CLNK: variants seen among roughly 807,000 people sequenced by gnomAD.
CLNK encodes the protein cytokine-dependent hematopoietic cell linker.
A neutral mutation model predicts 68.6 loss-of-function variants in CLNK; 74 were observed. That is an observed-to-expected ratio of 1.08 (90% CI 0.89 to 1.31). CLNK has a LOEUF of 1.31. Ranked by LOEUF, CLNK falls within the 50% of genes most tolerant of loss-of-function variation. The probability of loss-of-function intolerance (pLI) is 0.00; values close to 1 mark genes in which losing one functional copy is unlikely to be tolerated. For missense variants in CLNK, 553 were observed against 515.3 expected (o/e 1.07, Z -0.71); for synonymous variants, 198 against 172.2 (o/e 1.15, Z -1.17).
intron 18 of CLNK, 50 bp downstream of exon 18, chr4:10,501,206 T>G: frequency 6.7e-7 from 1 of 1,501,870 alleles, no homozygotes; most frequent in Non-Finnish European, 8.8e-7. Context: ...AACTCTTCCT[T>G]TATTTGTTGC....
chr4:10,587,212 C>T (rs1311581897), intron 3 of CLNK, among the ~76,000 whole-genome samples: 2 of 152,126 alleles, frequency 1.3e-5, no homozygotes, highest in Admixed American at 6.5e-5. Flanking sequence ...GTGATCCACC[C>T]GCCTCAGCCT....
At chr4:10,604,011 C>T (rs1299674933) in intron 2 of CLNK, among the ~76,000 whole-genome samples, 3 of 152,126 alleles carry the variant, frequency 2.0e-5, no homozygotes, top group African/African-American at 7.2e-5. Flanking sequence ...ATCCTGAGGG[C>T]AGGTGTCCCC....
At position 10,588,282 on chromosome 4, in the gene CLNK, T is replaced by C. The variant is rs147714839; in HGVS notation, c.84-3327A>G. 3.3e-4 allele frequency among the ~76,000 whole-genome samples: 50 copies of C among 152,356 alleles called. No homozygotes were observed. The East Asian group carries it at 7.9e-3, about 24-fold the overall frequency. On this transcript the variant is annotated intron_variant, in intron 3 of 18. Transcript: ENST00000226951. ...AACTTTGACTTCTAAATTAGGGTTC[T>C]TGTTATCTTCTAACCCTGACCTTAT... is the stretch of plus-strand genomic sequence containing the variant.
the CLNK span, among the ~76,000 whole-genome samples, chr4:10,715,319 G>A: frequency 6.6e-6 from 1 of 152,142 alleles, no homozygotes; most frequent in Non-Finnish European, 1.5e-5. Flanking sequence ...TTGTCCGTGT[G>A]TTTAATTACA....
the CLNK span, among the ~76,000 whole-genome samples, chr4:10,700,113 G>T: frequency 2.3e-4 from 35 of 151,842 alleles, no homozygotes; most frequent in Non-Finnish European, 4.6e-4. Context: ...AATCAGAGAA[G>T]AAACAGGTTT....
At chr4:10,512,984 T>C (rs571546545) in intron 16 of CLNK, among the ~76,000 whole-genome samples, 2 of 152,286 alleles carry the variant, frequency 1.3e-5, no homozygotes, top group African/African-American at 4.8e-5. Flanking sequence ...CCCCACTCTT[T>C]ACATCTCCAT....
At chr4:10,682,657 C>T (rs1325143008) in intron 1 of CLNK, among the ~76,000 whole-genome samples, 1 of 152,218 alleles carries the variant, frequency 6.6e-6, no homozygotes, top group African/African-American at 2.4e-5. Flanking sequence ...AAGTCACACA[C>T]TAGATTCATG....
intron 8 of CLNK, among the ~76,000 whole-genome samples, chr4:10,543,523 G>A (rs953606010): frequency 1.3e-5 from 2 of 152,094 alleles, no homozygotes; most frequent in Admixed American, 6.5e-5. Flanking sequence ...TGGAAGTCCC[G>A]TGGTGCCTGG....
the CLNK span, among the ~76,000 whole-genome samples, chr4:10,713,314 C>T: frequency 3.3e-5 from 5 of 152,124 alleles, no homozygotes; most frequent in South Asian, 2.1e-4. Flanking sequence ...CCACACTCCA[C>T]GAATTACTCT....
chr4:10,564,096 G>C (rs915390424), intron 7 of CLNK, among the ~76,000 whole-genome samples: 13 of 147,576 alleles, frequency 8.8e-5, no homozygotes, highest in African/African-American at 3.0e-4. Flanking sequence ...GCATTTACTA[G>C]ATTTTTTCTT....
the CLNK span, among the ~76,000 whole-genome samples, chr4:10,705,966 T>C: frequency 5.3e-5 from 8 of 152,356 alleles, no homozygotes; most frequent in South Asian, 1.7e-3. Flanking sequence ...TGTGTGATCC[T>C]GGAAAGGCAT....
Position 10,571,740 on chromosome 4 carries a change from C to G in CLNK, c.150+1G>C, listed in dbSNP as rs757609019. ...ATAGATAAGGGAAGCAGCTGACTTA[C>G]CCAGTCTAGAAGAGGCTTGTTCATC... On this transcript the variant is annotated splice_donor_variant, in intron 5 of 18. Coordinates refer to ENST00000226951, the MANE Select transcript of CLNK (RefSeq NM_052964.4). LOFTEE classifies it high-confidence loss of function. 2.5e-6 allele frequency: 4 copies of G among 1,611,712 alleles called. No homozygotes were observed. In the Admixed American group the frequency reaches 5.0e-5, roughly 20 times the overall value.
rs916687404 is a variant in CLNK at position 10,582,092 on chromosome 4, G to A, written c.112+2835C>T. ...TTTTGAAGACAATGTTAATCCTTGA[G>A]TTTACCAATCTTGGGATGATCTGAA... On this transcript the variant is annotated intron_variant, in intron 4 of 18. Transcript: ENST00000226951. 2.0e-5 allele frequency among the ~76,000 whole-genome samples: 3 copies of A among 152,160 alleles called. No individual in the cohort carries two copies. The East Asian group carries it at 5.8e-4, about 29-fold the overall frequency.
chr4:10,699,268 C>CACATACACACCACGTATGTGTGTAT, the CLNK span, among the ~76,000 whole-genome samples: 5 of 32,410 alleles, frequency 1.5e-4, no homozygotes, highest in East Asian at 1.6e-3. Flanking sequence ...TGTGTATACA[C>CACATACACACCACGTATGTGTGTAT]ACACACACAC....
the CLNK span, among the ~76,000 whole-genome samples, chr4:10,719,903 AC>A: frequency 6.6e-6 from 1 of 152,190 alleles, no homozygotes; most frequent in Non-Finnish European, 1.5e-5. Context: ...TAACAAAGAT[AC>A]CAGAAAAATC....
At chr4:10,507,811 G>A (rs543126763) in intron 17 of CLNK, 148 bp downstream of exon 17, 71 of 635,014 alleles carry the variant, frequency 1.1e-4, no homozygotes, top group Admixed American at 3.7e-4. Context: ...TGCCCTTTTC[G>A]ACTACAGCCT....
At chr4:10,600,472 G>A (rs1721551466) in intron 2 of CLNK, among the ~76,000 whole-genome samples, 1 of 152,138 alleles carries the variant, frequency 6.6e-6, no homozygotes, top group Admixed American at 6.6e-5. Context: ...GTGTATTTAG[G>A]GAGCCAGGCC....
chr4:10,544,290 A>G lies in CLNK; in HGVS notation c.446-2010T>C, dbSNP rs538417162. On this transcript the variant is annotated intron_variant, in intron 8 of 18. Transcript: ENST00000226951. Reference sequence around the variant, plus strand: ...GTTGTGAGTTTAGAATAGGACATCTATCTTCTTTTATTTCATTGATTTATT... The same window carrying G: ...GTTGTGAGTTTAGAATAGGACATCTGTCTTCTTTTATTTCATTGATTTATT... 3.9e-5 allele frequency among the ~76,000 whole-genome samples: 6 copies of G among 152,316 alleles called. No individual in the cohort carries two copies. The South Asian group carries it at 1.2e-3, about 32-fold the overall frequency.
chr4:10,697,629 A>G, the CLNK span: 6 of 152,206 alleles, frequency 3.9e-5, no homozygotes, highest in Non-Finnish European at 5.9e-5. Context: ...ATGGCTTCTC[A>G]TGCCAGAGTA....
Sources: gnomAD v4.1 joint callset for allele counts (sites outside exome capture counted in the v4.1 genomes callset) on GRCh38, gnomAD v4.1.1 for gene constraint, MANE v1.5 for transcripts, NCBI Gene and HGNC (gene_info 2026-07-23, HGNC 2026-07-21) for gene names.